MUC22: variants seen among roughly 807,000 people sequenced by gnomAD.
MUC22 encodes the protein mucin-22.
MUC22 carries 24 observed loss-of-function variants against 40.3 expected under a neutral mutation model. The observed-to-expected ratio is 0.60, with a 90% CI of 0.43 to 0.84. The LOEUF is 0.84. Among genes scored for constraint, MUC22 ranks in the 40% least tolerant of loss-of-function variants. The pLI is 0.00. For missense variants in MUC22, 1,926 were observed against 2,130.7 expected, an observed-to-expected ratio of 0.90 and a Z score of 1.89; for synonymous variants, 765 against 844.5, an observed-to-expected ratio of 0.91 and a Z score of 1.63.
chr6:31,027,073 G>A lies in MUC22; in HGVS notation c.1642G>A (p.Ala548Thr), dbSNP rs986303795. 5 of 1,497,372 alleles carry A rather than the reference G, an allele frequency of 3.3e-6. 1 individual carries two copies. Among genetic ancestry groups the A allele is most frequent in the African/African-American group, 1.4e-5 (1 of 72,114 alleles). The allele number at this position is 1,497,372 out of a possible 1,614,324, so 92.8% of individuals were successfully genotyped here. Residue 548 changes from alanine to threonine, a missense_variant, in exon 2 of 4, where the codon GCA becomes ACA. Coordinates refer to ENST00000561890, the Ensembl canonical transcript of MUC22. The stretch of plus-strand genomic sequence containing the variant: ...TACTACAGGCTCTGAGCCTACCATG[G>A]CATCCACCATGGGCTCTGAGACCAC...
rs777435900 is a variant in MUC22, at chr6:31,032,530, G to A, written c.5004G>A (p.Leu1668=). 2.0e-6 allele frequency: 3 copies of A among 1,535,658 alleles called. No individual in the cohort carries two copies. Among genetic ancestry groups the A allele is most frequent in the East Asian group, 2.4e-5 (1 of 40,924 alleles). ...CCTGGGCTATCATCCTCATTTCCCT[G>A]GCTGCAGTTGTGGCTGCTGTTGGAT... is the stretch of plus-strand genomic sequence containing the variant. The change falls in exon 3 of 4, where the codon CTG becomes CTA. Residue 1668 remains leucine (L), a synonymous_variant. Transcript: ENST00000561890. This position sits in a 1 kb window ranked among gnomAD's most constrained non-coding sequence, Gnocchi z 4.1.
chr6:31,015,891 C>T lies in MUC22; in HGVS notation c.70+5115C>T, dbSNP rs901555920. On this transcript the variant is annotated intron_variant, in intron 1 of 3. Transcript: ENST00000561890. ...TTTTTCTTTGATAATTGCCTCTCGT[C>T]CATTTTCTCTGTTCTGTCTTTCTGA... 2.6e-5 allele frequency among the ~76,000 whole-genome samples: 4 copies of T among 152,078 alleles called. No homozygotes were observed. The South Asian group carries it at 8.3e-4, about 31-fold the overall frequency.
At chr6:31,018,256 C>G (rs1764399936) in intron 1 of MUC22, among the ~76,000 whole-genome samples, 1 of 152,196 alleles carries the variant, frequency 6.6e-6, no homozygotes, top group African/African-American at 2.4e-5. Context: ...TGTATTCATC[C>G]AAGTGCTTGA....
At position 31,021,173 on chromosome 6, in the gene MUC22, C is replaced by A. The variant is rs573558139; in HGVS notation, c.71-4329C>A. ...CGGGGCGGGATCCACTGGGTGAAGC[C>A]AGCTGGGCTCCTGAGTCTGGTGAGG... is the stretch of plus-strand genomic sequence containing the variant. On this transcript the variant is annotated intron_variant, in intron 1 of 3. Transcript: ENST00000561890. Among the ~76,000 whole-genome samples, 3 of 152,364 alleles carry A rather than the reference C, an allele frequency of 2.0e-5. No individual in the cohort carries two copies. The South Asian group carries it at 6.2e-4, about 32-fold the overall frequency.
At position 31,027,320 on chromosome 6, in the gene MUC22, C is replaced by CCA. The variant is rs1765493513; in HGVS notation, c.1889_1890insCA (p.Glu631MetfsTer46). 1 of 1,530,336 alleles carries CCA rather than the reference C, an allele frequency of 6.5e-7. No homozygotes were observed. The highest frequency in any genetic ancestry group is 1.4e-5 in the African/African-American group (1 of 69,922). 94.8% of individuals were successfully genotyped at this position (1,530,336 alleles called of 1,614,324 possible). ...GGCTCTGAGACCACCACAGCCTCTA[C>CCA]TGAAGGCTCTGAGACCACCACAGCT... On this transcript the variant is annotated frameshift_variant, in exon 2 of 4. Coordinates refer to ENST00000561890, the Ensembl canonical transcript of MUC22. LOFTEE classifies it high-confidence loss of function.
At position 31,011,541 on chromosome 6, in the gene MUC22, C is replaced by A. The variant is rs34746900; in HGVS notation, c.70+765C>A. Among the ~76,000 whole-genome samples, 8,943 of 152,258 alleles carry A rather than the reference C, an allele frequency of 0.059. 357 individuals carry two copies. The highest frequency in any genetic ancestry group is 0.12 in the East Asian group (637 of 5,182). On this transcript the variant is annotated intron_variant, in intron 1 of 3. Transcript: ENST00000561890. This position sits in a 1 kb window ranked among gnomAD's most constrained non-coding sequence, Gnocchi z 4.5. The stretch of plus-strand genomic sequence containing the variant: ...GCCATTAATTCATTCCTTTTTATGG[C>A]TGAGTAGTATTCCATCGTATATATA...
At chr6:31,028,643 C>G (rs953490639) in exon 2 of MUC22, 17 of 1,531,768 alleles carry the variant, frequency 1.1e-5, no homozygotes, top group Admixed American at 2.0e-5. Context: ...TCTACCACAG[C>G]CTCTGAGACC....
exon 4 of MUC22, chr6:31,034,911 G>C: frequency 6.5e-7 from 1 of 1,535,646 alleles, no homozygotes; most frequent in Non-Finnish European, 8.7e-7. Flanking sequence ...ATCATGGCGG[G>C]CATTATGGAC....
At chr6:31,022,035 A>C (rs1280657060) in intron 1 of MUC22, among the ~76,000 whole-genome samples, 1 of 152,066 alleles carries the variant, frequency 6.6e-6, no homozygotes, top group Non-Finnish European at 1.5e-5. Flanking sequence ...GCATGGGCTT[A>C]AGAGTTGCTA....
chr6:31,022,898 G>A (rs1354950741), intron 1 of MUC22, among the ~76,000 whole-genome samples: 1 of 152,210 alleles, frequency 6.6e-6, no homozygotes, highest in Admixed American at 6.5e-5. Context: ...GGGAGGCTGA[G>A]GCAGGTGGAT....
intron 1 of MUC22, among the ~76,000 whole-genome samples, chr6:31,019,514 G>A (rs1764512791): frequency 1.3e-5 from 2 of 152,204 alleles, no homozygotes; most frequent in Non-Finnish European, 2.9e-5. Flanking sequence ...GCAGATATCA[G>A]GGTTGGACAG....
exon 2 of MUC22, chr6:31,029,541 T>C: frequency 1.3e-6 from 2 of 1,527,936 alleles, no homozygotes; most frequent in Non-Finnish European, 1.8e-6. Context: ...CCGCCTCTAC[T>C]GAAGGCTCTG....
chr6:31,027,907 A>ACCACAGACT, exon 2 of MUC22: 7 of 1,535,070 alleles, frequency 4.6e-6, no homozygotes, highest in Non-Finnish European at 6.1e-6. Flanking sequence ...TGCTGAGACC[A>ACCACAGACT]CCACAGACTC....
exon 2 of MUC22, chr6:31,025,645 G>T: frequency 6.5e-7 from 1 of 1,532,450 alleles, no homozygotes; most frequent in Non-Finnish European, 8.7e-7. Context: ...CTCTACCACA[G>T]GCTCTGAGAC....
rs756000367 is a variant in MUC22, at chr6:31,032,490, G to T, written c.4964G>T (p.Ser1655Ile). 110 of 1,535,610 alleles carry T rather than the reference G, an allele frequency of 7.2e-5. No homozygotes were observed. The highest frequency in any genetic ancestry group is 9.5e-5 in the Non-Finnish European group (109 of 1,146,922). The change falls in exon 3 of 4, where the codon AGT becomes ATT. Residue 1655 changes from serine to isoleucine, a missense_variant. By Grantham distance (142) the Ser-to-Ile change is moderately radical. Transcript: ENST00000561890. This position sits in a 1 kb window ranked among gnomAD's most constrained non-coding sequence, Gnocchi z 4.1. ...ACACCCACAAACGTGATCAAACCAAGTGGATATTTACAGCCCTGGGCTATC... is the reference window on the plus strand; with the variant it reads ...ACACCCACAAACGTGATCAAACCAATTGGATATTTACAGCCCTGGGCTATC...
intron 1 of MUC22, among the ~76,000 whole-genome samples, chr6:31,013,004 G>T (rs116302426): frequency 6.6e-6 from 1 of 151,906 alleles, no homozygotes; most frequent in Non-Finnish European, 1.5e-5. Context: ...GTGGGATGGC[G>T]TGGGTTCTTC....
At chr6:31,033,366 A>G (rs13210132) in intron 3 of MUC22, among the ~76,000 whole-genome samples, 6,662 of 152,208 alleles carry the variant, frequency 0.044, 176 homozygotes, top group South Asian at 0.082. Flanking sequence ...AGAAGCATAA[A>G]AATGTTCAGC....
upstream of MUC22, among the ~76,000 whole-genome samples, chr6:31,009,248 A>G (rs1763711280): frequency 6.6e-6 from 1 of 152,196 alleles, no homozygotes; most frequent in Non-Finnish European, 1.5e-5. Flanking sequence ...TTTTAAAGAA[A>G]TAGAGACAGG....
chr6:31,016,013 T>G (rs1764170002), intron 1 of MUC22, among the ~76,000 whole-genome samples: 1 of 152,104 alleles, frequency 6.6e-6, no homozygotes, highest in African/African-American at 2.4e-5. Flanking sequence ...TTTATTTTTC[T>G]TCTGGGGAGA....
Sources: allele counts gnomAD v4.1 joint callset (sites outside exome capture counted in the v4.1 genomes callset), GRCh38; gene constraint gnomAD v4.1.1; non-coding constraint Gnocchi (gnomAD v3.1); transcripts MANE v1.5; gene names NCBI Gene and HGNC (gene_info 2026-07-23, HGNC 2026-07-21).